Variants in PLCB4 observed in about 807,000 individuals in gnomAD.
PLCB4 encodes the protein 1-phosphatidylinositol 4,5-bisphosphate phosphodiesterase beta-4.
A neutral mutation model predicts 178.8 loss-of-function variants in PLCB4; 77 were observed. The ratio of observed to expected loss-of-function variants is 0.43; its 90% CI spans 0.36 to 0.52. The LOEUF is 0.52. PLCB4 is among the 20% of genes least tolerant of loss of function. The pLI is 0.00. For missense variants in PLCB4, 1,024 were observed against 1,453.4 expected, an observed-to-expected ratio of 0.70 and a Z score of 4.80; for synonymous variants, 496 against 490.8, an observed-to-expected ratio of 1.01 and a Z score of -0.14.
At chr20:9,297,594 C>A (rs1001361247) in intron 3 of PLCB4, among the ~76,000 whole-genome samples, 1 of 152,094 alleles carries the variant, frequency 6.6e-6, no homozygotes, top group Non-Finnish European at 1.5e-5. Flanking sequence ...GGTGGATTTA[C>A]TAAGCACTTA....
intron 33 of PLCB4, 75 bp from the exon 34 acceptor site, chr20:9,457,339 A>G: frequency 1.3e-6 from 1 of 778,600 alleles, no homozygotes; most frequent in Non-Finnish European, 2.3e-6. Context: ...TTCATCAGAA[A>G]GCTTTGTAGC....
chr20:9,348,588 C>G (rs1035529033), intron 7 of PLCB4, among the ~76,000 whole-genome samples: 2 of 152,044 alleles, frequency 1.3e-5, no homozygotes, highest in Non-Finnish European at 2.9e-5. Flanking sequence ...TCTGTTCTGT[C>G]TCTGTGGCAC....
chr20:9,434,456 A>T (rs1324021783), intron 28 of PLCB4, among the ~76,000 whole-genome samples: 1 of 151,918 alleles, frequency 6.6e-6, no homozygotes, highest in Admixed American at 6.6e-5. Context: ...GCTCACTGCA[A>T]CCTCCGCCTC....
chr20:9,371,245 GA>G lies in PLCB4; in HGVS notation c.539del (p.Lys180ArgfsTer2). The G allele has an allele frequency of 6.2e-7, 1 of 1,610,324 alleles. No individual in the cohort carries two copies. Among genetic ancestry groups the G allele is most frequent in the Non-Finnish European group, 8.5e-7 (1 of 1,176,574 alleles). ...ITRTFASGKT[E>X]KVIFQALKEL... ...TAGAACATTTGCATCGGGAAAAACA[GA>G]AAAGGTGATCTTTCAAGCACTCAAG... On this transcript the variant is annotated frameshift_variant, in exon 10 of 40. Transcript: ENST00000378473. LOFTEE classifies it high-confidence loss of function.
At chr20:9,376,781 A>AGGAGAGAGGGATAAAAACAAG (rs2036714198) in intron 12 of PLCB4, among the ~76,000 whole-genome samples, 1 of 152,130 alleles carries the variant, frequency 6.6e-6, no homozygotes, top group Non-Finnish European at 1.5e-5. Context: ...GGTGGAGGGC[A>AGGAGAGAGGGATAAAAACAAG]GGAGAGAGGG....
At chr20:9,308,473 GC>G (rs746621659) in intron 4 of PLCB4, among the ~76,000 whole-genome samples, 8 of 152,322 alleles carry the variant, frequency 5.3e-5, no homozygotes, top group Non-Finnish European at 1.2e-4. Flanking sequence ...GTGAATTAAA[GC>G]CTCATTTGCA....
intron 16 of PLCB4, 50 bp downstream of exon 16, chr20:9,390,008 C>G (rs1415307573): frequency 2.2e-6 from 2 of 916,564 alleles, no homozygotes; most frequent in Non-Finnish European, 3.6e-6. Flanking sequence ...TGTTTCCTAA[C>G]CCCTAATGCC....
chr20:9,473,254 A>ATT lies in PLCB4; in HGVS notation c.3409-6_3409-5dup, dbSNP rs3037097. On this transcript the variant is annotated intron_variant, in intron 37 of 39. Transcript: ENST00000378473. ...GATTGTAACCCAAAGTTCAATCAGA[A>ATT]TTTTTTTTTTTTTTTTTTTTGCAGC... 2,588 of 1,193,808 alleles carry ATT rather than the reference A, an allele frequency of 2.2e-3. 2 individuals are homozygous for ATT. The highest frequency in any genetic ancestry group is 2.9e-3 in the South Asian group (159 of 55,614). 74.0% of individuals were successfully genotyped at this position (1,193,808 alleles called of 1,614,324 possible). A position where few individuals can be genotyped will look rare whatever the true frequency, so the allele number is the denominator to read the frequency against.
chr20:9,358,710 A>C (rs2035055470), intron 7 of PLCB4, among the ~76,000 whole-genome samples: 4 of 152,172 alleles, frequency 2.6e-5, no homozygotes, highest in Middle Eastern at 6.8e-3. Flanking sequence ...CCTGGCCGAC[A>C]TGGTCAAACC....
At chr20:9,290,281 A>G (rs1263974041) in intron 3 of PLCB4, among the ~76,000 whole-genome samples, 1 of 152,126 alleles carries the variant, frequency 6.6e-6, no homozygotes, top group Non-Finnish European at 1.5e-5. Context: ...TTGTCTAACA[A>G]GGGGCAGGGA....
intron 3 of PLCB4, among the ~76,000 whole-genome samples, chr20:9,219,618 C>G (rs1045858409): frequency 1.3e-5 from 2 of 152,162 alleles, no homozygotes; most frequent in Non-Finnish European, 2.9e-5. Flanking sequence ...TTACGCTTGC[C>G]TTTCTTCCAG....
intron 3 of PLCB4, among the ~76,000 whole-genome samples, chr20:9,246,560 C>A (rs2094128325): frequency 6.6e-6 from 1 of 151,974 alleles, no homozygotes; most frequent in African/African-American, 2.4e-5. Context: ...TGTCATATAG[C>A]ACTTTTTTTT....
intron 7 of PLCB4, among the ~76,000 whole-genome samples, chr20:9,349,114 C>A (rs986900288): frequency 6.6e-6 from 1 of 151,732 alleles, no homozygotes; most frequent in East Asian, 1.9e-4. Flanking sequence ...TGTATTTCCC[C>A]TTCTGTGTCT....
intron 3 of PLCB4, among the ~76,000 whole-genome samples, chr20:9,288,125 C>T (rs945256744): frequency 1.3e-5 from 2 of 152,048 alleles, no homozygotes; most frequent in Non-Finnish European, 2.9e-5. Context: ...TATCTTTTAT[C>T]GACTGTTGCT....
intron 20 of PLCB4, among the ~76,000 whole-genome samples, chr20:9,402,496 C>T (rs2039102599): frequency 6.6e-6 from 1 of 152,122 alleles, no homozygotes; most frequent in African/African-American, 2.4e-5. Context: ...AAATGTGACA[C>T]TACTGAAAAA....
At chr20:9,370,290 C>A (rs2036137222) in intron 9 of PLCB4, among the ~76,000 whole-genome samples, 1 of 152,136 alleles carries the variant, frequency 6.6e-6, no homozygotes, top group South Asian at 2.1e-4. Context: ...GTTCCCCTTC[C>A]CCCTCACCCA....
Position 9,459,697 on chromosome 20 carries a change from T to C in PLCB4, c.3135T>C (p.Ala1045=). Residue 1045 remains alanine, a synonymous_variant, in exon 35 of 40, where the codon GCT becomes GCC. Transcript: ENST00000378473. The stretch of plus-strand genomic sequence containing the variant: ...CAGAAATGATCAATACCCACAGTGC[T>C]GAGGAGCAAGAAATCCGAGACCTGC... ...EWSEMINTHS[A]EEQEIRDLHL... is the part of the protein sequence containing the mutation. The C allele has an allele frequency of 6.2e-7, 1 of 1,613,138 alleles. No individual in the cohort carries two copies. The highest frequency in any genetic ancestry group is 2.2e-5 in the East Asian group (1 of 44,812).
chr20:9,315,950 TA>T (rs577037150), intron 4 of PLCB4, among the ~76,000 whole-genome samples: 12 of 148,586 alleles, frequency 8.1e-5, no homozygotes, highest in Admixed American at 1.3e-4. Context: ...AAAAAAAAAT[TA>T]AAAAAAAAGA....
rs566894926 is a variant in PLCB4, at chr20:9,456,116, G to A, written c.2997-1298G>A. 5.3e-5 allele frequency among the ~76,000 whole-genome samples: 8 copies of A among 152,320 alleles called. 1 individual carries two copies. The South Asian group carries it at 1.2e-3, about 24-fold the overall frequency. ...TTCCCGAAGTGCTGGAATTACAAGC[G>A]TGAGCCACTGCACCCAGCCTTCCTG... On this transcript the variant is annotated intron_variant, in intron 33 of 39. Coordinates refer to ENST00000378473, the MANE Select transcript of PLCB4 (RefSeq NM_001377142.1).
Sources: gnomAD v4.1 joint callset for allele counts (sites outside exome capture counted in the v4.1 genomes callset) on GRCh38, gnomAD v4.1.1 for gene constraint, MANE v1.5 for transcripts, NCBI Gene and HGNC (gene_info 2026-07-23, HGNC 2026-07-21) for gene names.